Variants in ADARB1 observed in about 807,000 individuals in gnomAD.
The protein encoded by ADARB1 is adenosine deaminase RNA specific B1.
ADARB1 carries 10 observed loss-of-function variants against 52.4 expected under a neutral mutation model. That is an observed-to-expected ratio of 0.19 (90% CI 0.12 to 0.32). The LOEUF is 0.32. Among genes scored for constraint, ADARB1 ranks in the 10% least tolerant of loss-of-function variants. The pLI is 1.00. For missense variants in ADARB1, 643 were observed against 922.3 expected, an observed-to-expected ratio of 0.70 and a Z score of 3.92; for synonymous variants, 349 against 371.1, an observed-to-expected ratio of 0.94 and a Z score of 0.68.
At chr21:45,160,589 A>G (rs1406772168) in intron 2 of ADARB1, among the ~76,000 whole-genome samples, 2 of 152,268 alleles carry the variant, frequency 1.3e-5, no homozygotes, top group African/African-American at 2.4e-5. Context: ...TTGTTAATTA[A>G]TTAAATATAA....
intron 2 of ADARB1, among the ~76,000 whole-genome samples, chr21:45,147,120 A>G (rs1379135183): frequency 6.6e-6 from 1 of 152,222 alleles, no homozygotes; most frequent in African/African-American, 2.4e-5. Context: ...GCTTCTGGCT[A>G]GTCCTCAGTT....
At chr21:45,186,096 G>A (rs2092095743) in intron 8 of ADARB1, among the ~76,000 whole-genome samples, 2 of 152,168 alleles carry the variant, frequency 1.3e-5, no homozygotes, top group Admixed American at 1.3e-4. Flanking sequence ...TGTCAACTTT[G>A]TGTGTGTGTG....
intron 1 of ADARB1, chr21:45,100,906 C>A: frequency 6.6e-6 from 1 of 152,670 alleles, no homozygotes; most frequent in Non-Finnish European, 1.5e-5. Flanking sequence ...CGATGCTGGG[C>A]AGGGGCCTGC....
intron 9 of ADARB1, among the ~76,000 whole-genome samples, chr21:45,209,258 G>A (rs550957410): frequency 4.0e-5 from 6 of 151,800 alleles, no homozygotes; most frequent in African/African-American, 7.3e-5. Context: ...AAAGCCTTTC[G>A]TAATGAGTCA....
chr21:45,179,139 G>A lies in ADARB1; in HGVS notation c.964-1191G>A, dbSNP rs368180207. On this transcript the variant is annotated intron_variant, in intron 4 of 10. Transcript: ENST00000348831. ...CCCTTCCCTCTGGCACCCTGGCCAC[G>A]TCCTGTGTTTCTGTCACAGCCTCAG... 1.9e-4 allele frequency among the ~76,000 whole-genome samples: 29 copies of A among 152,152 alleles called. No homozygotes were observed. In the South Asian group the frequency reaches 5.0e-3, roughly 26 times the overall value.
intron 1 of ADARB1, among the ~76,000 whole-genome samples, chr21:45,079,681 T>C (rs907122082): frequency 1.3e-5 from 2 of 152,250 alleles, no homozygotes; most frequent in Non-Finnish European, 2.9e-5. Context: ...GGTTGTTGAG[T>C]TGCTAATGTA....
intron 1 of ADARB1, among the ~76,000 whole-genome samples, chr21:45,110,826 C>T (rs1019025471): frequency 8.5e-5 from 13 of 152,232 alleles, no homozygotes; most frequent in Middle Eastern, 6.8e-3. Flanking sequence ...ATGCAGTGGG[C>T]GCATCTCTGT....
chr21:45,139,325 T>C (rs528306493), intron 2 of ADARB1, among the ~76,000 whole-genome samples: 1 of 152,372 alleles, frequency 6.6e-6, no homozygotes, highest in Non-Finnish European at 1.5e-5. Context: ...ATTATGACGA[T>C]TGCTGAAAGT....
At chr21:45,140,574 T>C (rs117525576) in intron 2 of ADARB1, among the ~76,000 whole-genome samples, 3,798 of 152,204 alleles carry the variant, frequency 0.025, 65 homozygotes, top group South Asian at 0.079. Context: ...CTCAGTGGCG[T>C]TCTGAGCGGT....
intron 9 of ADARB1, among the ~76,000 whole-genome samples, chr21:45,218,343 A>AT (rs1248386077): frequency 1.3e-5 from 2 of 151,986 alleles, no homozygotes; most frequent in Non-Finnish European, 2.9e-5. Context: ...CATCAAGTGT[A>AT]TTTTTTATCT....
chr21:45,183,193 T>C (rs1252009583), intron 6 of ADARB1, among the ~76,000 whole-genome samples, 169 bp from the exon 7 acceptor site: 2 of 152,250 alleles, frequency 1.3e-5, no homozygotes, highest in African/African-American at 4.8e-5. Context: ...TGATGACATA[T>C]CCATTATTGA....
rs762014067 is a variant in ADARB1 at position 45,225,659 on chromosome 21, C to A, written c.*3462C>A. On this transcript the variant is annotated 3_prime_UTR_variant, in exon 11 of 11. Coordinates refer to ENST00000348831, the MANE Select transcript of ADARB1 (RefSeq NM_001112.4). The stretch of plus-strand genomic sequence containing the variant: ...ACCTGCCCATGTCTCAAAACAAACA[C>A]ATGTACAGTGGCTCTTTTTCCTTCT... 117 of 1,035,420 alleles carry A rather than the reference C, an allele frequency of 1.1e-4. No homozygotes were observed. Among genetic ancestry groups the A allele is most frequent in the Non-Finnish European group, 1.4e-4 (109 of 770,914 alleles). 64.1% of individuals were successfully genotyped at this position (1,035,420 alleles called of 1,614,324 possible).
chr21:45,160,715 T>C (rs2090919710), intron 2 of ADARB1, among the ~76,000 whole-genome samples: 1 of 152,258 alleles, frequency 6.6e-6, no homozygotes, highest in African/African-American at 2.4e-5. Context: ...TTATTTGCCT[T>C]TTAATCATTT....
intron 1 of ADARB1, among the ~76,000 whole-genome samples, chr21:45,113,444 T>C (rs566282409): frequency 2.7e-5 from 4 of 150,158 alleles, no homozygotes; most frequent in Non-Finnish European, 5.9e-5. Context: ...AAAACAAAAC[T>C]ATATATATAT....
chr21:45,194,271 G>A (rs544752733), intron 8 of ADARB1, among the ~76,000 whole-genome samples: 11 of 152,200 alleles, frequency 7.2e-5, no homozygotes, highest in East Asian at 1.9e-4. Context: ...CATTACAATC[G>A]AAGACACATC....
At chr21:45,132,079 C>T (rs961421700) in intron 2 of ADARB1, 1 of 152,330 alleles carries the variant, frequency 6.6e-6, no homozygotes, top group African/African-American at 2.4e-5. Context: ...AATTTATTGA[C>T]TAAAATAACC....
chr21:45,221,057 C>T lies in ADARB1; in HGVS notation c.1926+43C>T. 1 of 1,558,460 alleles carries T rather than the reference C, an allele frequency of 6.4e-7. No individual in the cohort carries two copies. Among genetic ancestry groups the T allele is most frequent in the South Asian group, 1.1e-5 (1 of 87,366 alleles). ...CCGCAATGCGCCGGCTCCACCTCCCCAATAGCTTGTCTGTCCTCACACCTA... is the reference window on the plus strand; with the variant it reads ...CCGCAATGCGCCGGCTCCACCTCCCTAATAGCTTGTCTGTCCTCACACCTA... On this transcript the variant is annotated intron_variant, in intron 10 of 10. Transcript: ENST00000348831. This position sits in a 1 kb window ranked among gnomAD's most constrained non-coding sequence, Gnocchi z 4.9.
chr21:45,111,458 T>C (rs1316286850), intron 1 of ADARB1, among the ~76,000 whole-genome samples: 1 of 152,176 alleles, frequency 6.6e-6, no homozygotes, highest in African/African-American at 2.4e-5. Flanking sequence ...TGACCCCATG[T>C]TGACACCTCA....
At chr21:45,080,604 T>A (rs942547885) in intron 1 of ADARB1, among the ~76,000 whole-genome samples, 9 of 152,254 alleles carry the variant, frequency 5.9e-5, no homozygotes, top group African/African-American at 2.2e-4. Flanking sequence ...TACCAGCTTG[T>A]GCTGAACATG....
Sources: gnomAD v4.1 joint callset for allele counts (sites outside exome capture counted in the v4.1 genomes callset) on GRCh38, gnomAD v4.1.1 for gene constraint, Gnocchi (gnomAD v3.1) non-coding constraint, MANE v1.5 for transcripts, NCBI Gene and HGNC (gene_info 2026-07-23, HGNC 2026-07-21) for gene names.